Variants in EML6 observed in about 807,000 individuals in gnomAD.
EML6 encodes the protein EMAP like 6.
Under a neutral mutation model 240.1 loss-of-function variants are expected in EML6, and 154 were observed. The observed-to-expected ratio is 0.64, with a 90% CI of 0.56 to 0.73. The LOEUF is 0.73. Ranked by LOEUF, EML6 falls within the 30% of genes least tolerant of loss-of-function variation. EML6 has a pLI of 0.00. For synonymous variants in EML6, 1,148 were observed against 899.0 expected, an observed-to-expected ratio of 1.28 and a Z score of -4.95; for missense variants, 2,964 against 2,474.6, an observed-to-expected ratio of 1.20 and a Z score of -4.20.
chr2:54,872,480 A>G (rs531560115), intron 16 of EML6, among the ~76,000 whole-genome samples: 9 of 151,928 alleles, frequency 5.9e-5, no homozygotes, highest in African/African-American at 1.7e-4. Context: ...CATCTATGCT[A>G]TGGTAGTCAT....
At chr2:54,846,226 A>T (rs985605125) in intron 8 of EML6, among the ~76,000 whole-genome samples, 2 of 152,152 alleles carry the variant, frequency 1.3e-5, no homozygotes, top group Non-Finnish European at 2.9e-5. Flanking sequence ...ACAGAGGGGG[A>T]TATCATTTGC....
At chr2:54,850,999 A>T (rs1308365005) in intron 10 of EML6, among the ~76,000 whole-genome samples, 1 of 152,236 alleles carries the variant, frequency 6.6e-6, no homozygotes, top group Admixed American at 6.5e-5. Flanking sequence ...ACATGAAAAA[A>T]TTCTGTATTA....
chr2:54,857,392 C>A (rs1167893179), intron 11 of EML6, among the ~76,000 whole-genome samples: 1 of 152,018 alleles, frequency 6.6e-6, no homozygotes, highest in East Asian at 1.9e-4. Flanking sequence ...ATTCAGTGTC[C>A]CAGGGAAAGC....
At chr2:54,789,407 G>C (rs566461217) in intron 2 of EML6, among the ~76,000 whole-genome samples, 2 of 150,048 alleles carry the variant, frequency 1.3e-5, no homozygotes, top group African/African-American at 2.5e-5. Flanking sequence ...CCAGCTACTC[G>C]GGAGGCTGAG....
chr2:54,749,539 TTAA>T (rs1278738836), intron 2 of EML6, among the ~76,000 whole-genome samples: 4 of 152,168 alleles, frequency 2.6e-5, no homozygotes, highest in Admixed American at 1.3e-4. Context: ...ACCTTATTGA[TTAA>T]TAATATGTAA....
chr2:54,831,778 G>C (rs556194773), intron 7 of EML6, among the ~76,000 whole-genome samples: 40 of 152,090 alleles, frequency 2.6e-4, no homozygotes, highest in Middle Eastern at 3.4e-3. Flanking sequence ...TTGAGTCCCA[G>C]GGAGTCGGAG....
chr2:54,965,871 C>T (rs1458099991), intron 38 of EML6, among the ~76,000 whole-genome samples: 1 of 152,246 alleles, frequency 6.6e-6, no homozygotes, highest in African/African-American at 2.4e-5. Context: ...CCTACAAAGG[C>T]AATCTGGTCC....
chr2:54,918,651 TTC>T (rs1674060476), intron 26 of EML6, among the ~76,000 whole-genome samples: 2 of 152,122 alleles, frequency 1.3e-5, no homozygotes, highest in South Asian at 4.1e-4. Flanking sequence ...CCAGCTGTCA[TTC>T]TGTTTATTAA....
At chr2:54,828,170 G>A (rs1971105) in intron 6 of EML6, among the ~76,000 whole-genome samples, 3 of 151,918 alleles carry the variant, frequency 2.0e-5, no homozygotes, top group Non-Finnish European at 2.9e-5. Context: ...TGTAGATAAC[G>A]ATTGCTCTTG....
At position 54,813,360 on chromosome 2, in the gene EML6, TTGCC is replaced by T; in HGVS notation, c.333_336del (p.Cys111TrpfsTer10). ...CTTAAAGATGTCCATACACATGGAG[TTGCC>T]TGCCTGGCTTTTGACTCAGATGGAC... is the stretch of plus-strand genomic sequence containing the variant. On this transcript the variant is annotated frameshift_variant, in exon 3 of 42. Transcript: ENST00000356458. LOFTEE classifies it high-confidence loss of function. 1 of 1,551,650 alleles carries T rather than the reference TTGCC, an allele frequency of 6.4e-7. No homozygotes were observed. The highest frequency in any genetic ancestry group is 8.7e-7 in the Non-Finnish European group (1 of 1,146,860).
chr2:54,866,303 A>G (rs192844137), intron 13 of EML6, among the ~76,000 whole-genome samples: 243 of 152,318 alleles, frequency 1.6e-3, no homozygotes, highest in Non-Finnish European at 3.0e-3. Flanking sequence ...AGTTAGACCA[A>G]GATTGATCTT....
At chr2:54,885,501 A>T (rs1672078206) in intron 17 of EML6, among the ~76,000 whole-genome samples, 1 of 151,860 alleles carries the variant, frequency 6.6e-6, no homozygotes, top group African/African-American at 2.4e-5. Flanking sequence ...TATCTGGTTG[A>T]TTTCTTCTCT....
At chr2:54,865,611 T>C (rs1373140513) in intron 13 of EML6, among the ~76,000 whole-genome samples, 2 of 152,266 alleles carry the variant, frequency 1.3e-5, no homozygotes, top group Non-Finnish European at 2.9e-5. Flanking sequence ...GAAATGTGCA[T>C]TGGAGCATTT....
intron 4 of EML6, among the ~76,000 whole-genome samples, chr2:54,817,884 C>A (rs1448806198): frequency 6.6e-6 from 1 of 151,864 alleles, no homozygotes; most frequent in Non-Finnish European, 1.5e-5. Context: ...GTTGCAAATT[C>A]TACTCCAGGA....
intron 24 of EML6, among the ~76,000 whole-genome samples, chr2:54,908,452 T>G (rs923521816): frequency 6.6e-6 from 1 of 152,222 alleles, no homozygotes; most frequent in Admixed American, 6.6e-5. Context: ...AATTTTAAAG[T>G]AATAATAACA....
Position 54,923,388 on chromosome 2 carries a change from CA to C in EML6, c.3676-4924del, listed in dbSNP as rs1558689815. 7.2e-5 allele frequency among the ~76,000 whole-genome samples: 11 copies of C among 151,826 alleles called. No individual in the cohort carries two copies. The East Asian group carries it at 2.1e-3, about 29-fold the overall frequency. On this transcript the variant is annotated intron_variant, in intron 26 of 41. Transcript: ENST00000356458. ...AAACGCACACACACACACACACACACACACACACACACACACAATGGTAACT... is the reference window on the plus strand; with the variant it reads ...AAACGCACACACACACACACACACACCACACACACACACACAATGGTAACT...
intron 32 of EML6, among the ~76,000 whole-genome samples, chr2:54,956,153 C>T (rs1676222915): frequency 6.6e-6 from 1 of 152,154 alleles, no homozygotes; most frequent in African/African-American, 2.4e-5. Flanking sequence ...GAGAGGGATA[C>T]AGGTGTCTCC....
chr2:54,955,612 C>T (rs1381043210), intron 32 of EML6, among the ~76,000 whole-genome samples: 2 of 152,210 alleles, frequency 1.3e-5, no homozygotes, highest in African/African-American at 2.4e-5. Context: ...TTTTTAGGTT[C>T]AGGCTCACTG....
chr2:54,813,436 C>G, intron 3 of EML6, 45 bp downstream of exon 3: 3 of 1,470,464 alleles, frequency 2.0e-6, no homozygotes, highest in Non-Finnish European at 2.8e-6. Context: ...CTTCTCACAA[C>G]TCACTTAAAA....
Sources: gnomAD v4.1 joint callset for allele counts (sites outside exome capture counted in the v4.1 genomes callset) on GRCh38, gnomAD v4.1.1 for gene constraint, MANE v1.5 for transcripts, NCBI Gene and HGNC (gene_info 2026-07-23, HGNC 2026-07-21) for gene names.